The following SOX5 variants were observed in gnomAD, a reference collection of about 807,000 sequenced individuals.
The protein encoded by SOX5 is transcription factor SOX-5.
SOX5 carries 9 observed loss-of-function variants against 92.0 expected under a neutral mutation model. That is an observed-to-expected ratio of 0.10 (90% CI 0.06 to 0.17). The LOEUF (loss-of-function observed/expected upper bound fraction) is 0.17, where lower values mean the gene tolerates loss of function less well. Ranked by LOEUF, SOX5 falls within the 10% of genes least tolerant of loss-of-function variation. SOX5 has a pLI of 1.00. For missense variants in SOX5, 642 were observed against 944.5 expected (o/e 0.68, Z 4.20); for synonymous variants, 344 against 336.3 (o/e 1.02, Z -0.25).
Position 23,911,485 on chromosome 12 carries a change from T to G in SOX5, c.39-15461A>C, listed in dbSNP as rs140197990. Among the ~76,000 whole-genome samples, 722 of 152,218 alleles carry G rather than the reference T, an allele frequency of 4.7e-3. 8 individuals are homozygous for G. The highest frequency in any genetic ancestry group is 0.017 in the African/African-American group (691 of 41,580). On this transcript the variant is annotated intron_variant, in intron 1 of 14. Transcript: ENST00000451604. ...AAAATGAACAGCAGAGCCTTAAATC[T>G]GCTCAAACTTGTTGTTCGGTTTTTC...
At chr12:24,259,312 T>G (rs1320179271) in intron 3 of SOX5, among the ~76,000 whole-genome samples, 1 of 152,198 alleles carries the variant, frequency 6.6e-6, no homozygotes, top group Non-Finnish European at 1.5e-5. Context: ...GTTATCGTGT[T>G]TAAATGTTAG....
At chr12:24,271,982 A>AACACAC (rs71059998) in intron 3 of SOX5, among the ~76,000 whole-genome samples, 1 of 150,518 alleles carries the variant, frequency 6.6e-6, no homozygotes. Context: ...CACACACACA[A>AACACAC]ACACACACAC....
At chr12:24,258,081 G>A (rs1941513907) in intron 3 of SOX5, among the ~76,000 whole-genome samples, 1 of 152,130 alleles carries the variant, frequency 6.6e-6, no homozygotes, top group Admixed American at 6.5e-5. Context: ...GCTGAGGCAG[G>A]AGAATCGCTT....
intron 1 of SOX5, among the ~76,000 whole-genome samples, chr12:24,407,969 G>A (rs574061718): frequency 4.5e-4 from 68 of 152,318 alleles, no homozygotes; most frequent in African/African-American, 1.6e-3. Flanking sequence ...ACTCATGACA[G>A]GAATGGTACT....
At chr12:24,539,295 CA>C (rs1186584641) in intron 1 of SOX5, among the ~76,000 whole-genome samples, 1 of 151,900 alleles carries the variant, frequency 6.6e-6, no homozygotes, top group Non-Finnish European at 1.5e-5. Context: ...AGCCAGAAAA[CA>C]AAGAAATTTT....
At chr12:23,570,309 A>G (rs1160169167) in intron 10 of SOX5, among the ~76,000 whole-genome samples, 1 of 152,276 alleles carries the variant, frequency 6.6e-6, no homozygotes, top group African/African-American at 2.4e-5. Flanking sequence ...TACATGTGAA[A>G]GCAGTTTGCA....
chr12:23,687,295 G>C (rs2087773159), intron 6 of SOX5, among the ~76,000 whole-genome samples: 2 of 152,046 alleles, frequency 1.3e-5, no homozygotes, highest in African/African-American at 4.8e-5. Context: ...AATGCACGCT[G>C]ATGTCCAACC....
chr12:24,021,348 T>C (rs1458960221), intron 4 of SOX5, among the ~76,000 whole-genome samples: 2 of 152,176 alleles, frequency 1.3e-5, no homozygotes, highest in Non-Finnish European at 2.9e-5. Flanking sequence ...TTTGGGGTTT[T>C]CTTCTCTTGG....
intron 4 of SOX5, among the ~76,000 whole-genome samples, chr12:24,174,637 C>T (rs1413308647): frequency 2.0e-5 from 3 of 152,066 alleles, no homozygotes; most frequent in Non-Finnish European, 2.9e-5. Flanking sequence ...GCCTGACTAA[C>T]ATGGTGAAAC....
chr12:23,979,723 T>TTTTTTTTTTTTTTTTTTTTTTC (rs1949345892), intron 4 of SOX5, among the ~76,000 whole-genome samples: 1 of 119,102 alleles, frequency 8.4e-6, no homozygotes, highest in African/African-American at 3.1e-5. Flanking sequence ...TTTTTTTTTT[T>TTTTTTTTTTTTTTTTTTTTTTC]TTTTTTTTTT....
chr12:23,561,785 A>C (rs968479120), intron 11 of SOX5, among the ~76,000 whole-genome samples: 3 of 148,338 alleles, frequency 2.0e-5, no homozygotes, highest in African/African-American at 7.4e-5. Context: ...AGGGGGAGAT[A>C]GGTAGAGTTG....
intron 3 of SOX5, among the ~76,000 whole-genome samples, chr12:24,267,617 CA>C (rs1344383189): frequency 6.6e-6 from 1 of 152,040 alleles, no homozygotes; most frequent in African/African-American, 2.4e-5. Flanking sequence ...ACTATGAAAA[CA>C]GTTTGGGTTC....
At chr12:24,450,560 T>A (rs1246957503) in intron 1 of SOX5, among the ~76,000 whole-genome samples, 2 of 151,992 alleles carry the variant, frequency 1.3e-5, no homozygotes, top group Non-Finnish European at 2.9e-5. Flanking sequence ...AGTGGTACAA[T>A]CTCAACTCAC....
At chr12:24,145,408 A>G (rs1358400365) in intron 4 of SOX5, among the ~76,000 whole-genome samples, 2 of 152,206 alleles carry the variant, frequency 1.3e-5, no homozygotes, top group African/African-American at 4.8e-5. Flanking sequence ...TTTTAAAAAG[A>G]TCTAACTACG....
At chr12:24,297,716 G>C (rs1947437657) in intron 2 of SOX5, among the ~76,000 whole-genome samples, 1 of 152,126 alleles carries the variant, frequency 6.6e-6, no homozygotes, top group African/African-American at 2.4e-5. Flanking sequence ...AGCATCTGTG[G>C]GTCTGGAACT....
chr12:23,842,764 TTGAA>T (rs2096533557), intron 3 of SOX5, among the ~76,000 whole-genome samples: 1 of 152,154 alleles, frequency 6.6e-6, no homozygotes. Flanking sequence ...TAAAAAATGA[TTGAA>T]TGAAACAATA....
At chr12:24,526,236 A>C (rs1052976961) in intron 1 of SOX5, among the ~76,000 whole-genome samples, 1 of 152,182 alleles carries the variant, frequency 6.6e-6, no homozygotes, top group Non-Finnish European at 1.5e-5. Flanking sequence ...AGCTGGAAAG[A>C]AATGGCACTA....
intron 4 of SOX5, among the ~76,000 whole-genome samples, chr12:24,056,597 T>G (rs1425191133): frequency 6.6e-6 from 1 of 152,040 alleles, no homozygotes; most frequent in African/African-American, 2.4e-5. Flanking sequence ...GGAGGTGAGG[T>G]GCGTATTAAA....
chr12:24,383,040 C>T (rs1304744251), intron 1 of SOX5, among the ~76,000 whole-genome samples: 1 of 152,116 alleles, frequency 6.6e-6, no homozygotes, highest in Non-Finnish European at 1.5e-5. Context: ...TAGCTCTGAC[C>T]ACTACAAGTG....
Sources: gnomAD v4.1 joint callset for allele counts (sites outside exome capture counted in the v4.1 genomes callset) on GRCh38, gnomAD v4.1.1 for gene constraint, MANE v1.5 for transcripts, NCBI Gene and HGNC (gene_info 2026-07-23, HGNC 2026-07-21) for gene names.